The following ARHGAP10 variants were observed in gnomAD, a reference collection of about 807,000 sequenced individuals.
The protein encoded by ARHGAP10 is Rho GTPase activating protein 10.
ARHGAP10 carries 87 observed loss-of-function variants against 108.6 expected under a neutral mutation model. That is an observed-to-expected ratio of 0.80 (90% CI 0.67 to 0.96). ARHGAP10 has a LOEUF of 0.96. Ranked by LOEUF, ARHGAP10 falls within the 40% of genes least tolerant of loss-of-function variation. ARHGAP10 has a pLI of 0.00. For synonymous variants in ARHGAP10, 347 were observed against 341.1 expected (o/e 1.02, Z -0.19); for missense variants, 939 against 954.5 (o/e 0.98, Z 0.21).
intron 1 of ARHGAP10, among the ~76,000 whole-genome samples, chr4:147,785,117 A>G (rs1380168834): frequency 6.8e-5 from 10 of 147,862 alleles, no homozygotes; most frequent in Admixed American, 6.2e-4. Context: ...CATCTAAGCT[A>G]AAGGGAAAGA....
intron 3 of ARHGAP10, among the ~76,000 whole-genome samples, chr4:147,846,234 G>GAC (rs1319070397): frequency 1.3e-5 from 2 of 152,158 alleles, no homozygotes; most frequent in African/African-American, 4.8e-5. Flanking sequence ...CACTGCTGAG[G>GAC]AGCCTTTGGT....
chr4:148,051,268 G>A (rs1486481941), intron 20 of ARHGAP10, among the ~76,000 whole-genome samples: 1 of 152,216 alleles, frequency 6.6e-6, no homozygotes, highest in Non-Finnish European at 1.5e-5. Context: ...TTCATTGCCA[G>A]TGAAGAATTG....
intron 18 of ARHGAP10, among the ~76,000 whole-genome samples, chr4:147,992,494 G>A (rs1740316264): frequency 6.6e-6 from 1 of 152,054 alleles, no homozygotes; most frequent in Non-Finnish European, 1.5e-5. Context: ...TGCAACCTCC[G>A]CCTCCCGGGT....
intron 1 of ARHGAP10, among the ~76,000 whole-genome samples, chr4:147,816,015 G>T (rs963964892): frequency 1.3e-5 from 2 of 152,192 alleles, no homozygotes; most frequent in South Asian, 2.1e-4. Context: ...GTAAGTGTCA[G>T]CTGTTTTATC....
chr4:147,782,574 T>C (rs1730581438), intron 1 of ARHGAP10: 1 of 152,062 alleles, frequency 6.6e-6, no homozygotes, highest in Non-Finnish European at 1.5e-5. Flanking sequence ...TGTAAAGCCC[T>C]GTGTGGTAAT....
rs10025355 is a variant in ARHGAP10, at chr4:147,959,516, G to A, written c.1450+4142G>A. Among the ~76,000 whole-genome samples the A allele has an allele frequency of 5.0e-3, 752 of 151,140 alleles. 8 individuals carry two copies. The highest frequency in any genetic ancestry group is 0.017 in the African/African-American group (718 of 41,282). On this transcript the variant is annotated intron_variant, in intron 16 of 22. Transcript: ENST00000336498. The stretch of plus-strand genomic sequence containing the variant: ...ATATCTCCTAATGCTATCCCTCCCC[G>A]CTCCCCCCACCCCACGACAGGCCCA...
chr4:147,924,747 C>CA (rs5862823), intron 13 of ARHGAP10, among the ~76,000 whole-genome samples: 19,991 of 152,082 alleles, frequency 0.13, 2,836 homozygotes, highest in African/African-American at 0.34. Context: ...TTAACTCTGC[C>CA]TGTAACCTCT....
intron 7 of ARHGAP10, among the ~76,000 whole-genome samples, chr4:147,873,411 A>G (rs546436273): frequency 1.3e-5 from 2 of 151,950 alleles, no homozygotes; most frequent in Non-Finnish European, 2.9e-5. Context: ...GCATGCACAT[A>G]TATGCATATG....
intron 13 of ARHGAP10, among the ~76,000 whole-genome samples, chr4:147,914,012 G>A (rs905655412): frequency 1.3e-5 from 2 of 152,142 alleles, no homozygotes; most frequent in Non-Finnish European, 2.9e-5. Flanking sequence ...AATTAGCTGG[G>A]TGTGGTGCAT....
chr4:147,757,122 G>T (rs1729407540), intron 1 of ARHGAP10, among the ~76,000 whole-genome samples: 1 of 151,352 alleles, frequency 6.6e-6, no homozygotes, highest in African/African-American at 2.4e-5. Flanking sequence ...AATCTTTTCA[G>T]CTTAGGAGAT....
intron 20 of ARHGAP10, among the ~76,000 whole-genome samples, chr4:148,056,538 C>T (rs372243336): frequency 6.6e-5 from 10 of 151,952 alleles, no homozygotes; most frequent in African/African-American, 2.2e-4. Context: ...CTTCACTTCC[C>T]CTCTTCACTT....
At chr4:147,835,233 A>G (rs975161196) in intron 3 of ARHGAP10, among the ~76,000 whole-genome samples, 9 of 151,966 alleles carry the variant, frequency 5.9e-5, no homozygotes, top group Non-Finnish European at 1.2e-4. Flanking sequence ...GAGTTTTTCA[A>G]CCCTGCAGCC....
At chr4:147,996,174 G>T (rs1296223588) in intron 18 of ARHGAP10, among the ~76,000 whole-genome samples, 4 of 152,292 alleles carry the variant, frequency 2.6e-5, no homozygotes, top group Non-Finnish European at 4.4e-5. Flanking sequence ...CCTCCTGATT[G>T]TCCTCCTCTT....
At chr4:148,029,735 C>T (rs904225909) in intron 19 of ARHGAP10, among the ~76,000 whole-genome samples, 5 of 152,190 alleles carry the variant, frequency 3.3e-5, no homozygotes, top group African/African-American at 9.7e-5. Flanking sequence ...AGCCCTTTGC[C>T]ATCTCCTCAC....
intron 13 of ARHGAP10, among the ~76,000 whole-genome samples, chr4:147,926,134 G>T (rs1159979643): frequency 1.3e-5 from 2 of 152,304 alleles, no homozygotes; most frequent in African/African-American, 4.8e-5. Flanking sequence ...GAGGGTGGCA[G>T]ATCCCAGGTG....
intron 5 of ARHGAP10, chr4:147,861,429 C>T (rs1242875656): frequency 1.3e-5 from 2 of 152,650 alleles, no homozygotes. Flanking sequence ...GCTCTTCTCT[C>T]CTTCTCGTCG....
At chr4:147,830,275 A>G (rs7678360) in intron 3 of ARHGAP10, among the ~76,000 whole-genome samples, 151,846 of 152,322 alleles carry the variant, frequency 1, 75,689 homozygotes, top group East Asian at 1. Flanking sequence ...AAGCTGCTGC[A>G]TACCAAAGGC....
intron 18 of ARHGAP10, among the ~76,000 whole-genome samples, chr4:147,986,296 G>C (rs1740043523): frequency 6.6e-6 from 1 of 152,160 alleles, no homozygotes; most frequent in South Asian, 2.1e-4. Flanking sequence ...CTCATGGAGG[G>C]TCATCAACTT....
chr4:147,815,720 G>A (rs531733242), intron 1 of ARHGAP10, among the ~76,000 whole-genome samples: 6 of 9,672 alleles, frequency 6.2e-4, no homozygotes, highest in Middle Eastern at 0.05. Context: ...GGCGATAGGC[G>A]TGGTGGTGGT....
Sources: allele counts gnomAD v4.1 joint callset (sites outside exome capture counted in the v4.1 genomes callset), GRCh38; gene constraint gnomAD v4.1.1; transcripts MANE v1.5; gene names NCBI Gene and HGNC (gene_info 2026-07-23, HGNC 2026-07-21).